PKP1: variants seen among roughly 807,000 people sequenced by gnomAD.
PKP1 encodes the protein plakophilin-1.
PKP1 carries 27 observed loss-of-function variants against 76.4 expected under a neutral mutation model. The ratio of observed to expected loss-of-function variants is 0.35; its 90% CI spans 0.26 to 0.49. PKP1 has a LOEUF of 0.49. Among genes scored for constraint, PKP1 ranks in the 20% least tolerant of loss-of-function variants. PKP1 has a pLI of 0.99. For synonymous variants in PKP1, 404 were observed against 384.2 expected (o/e 1.05, Z -0.60); for missense variants, 964 against 955.2 (o/e 1.01, Z -0.12).
intron 2 of PKP1, among the ~76,000 whole-genome samples, chr1:201,311,521 C>A (rs832152): frequency 0.18 from 26,662 of 152,202 alleles, 2,578 homozygotes; most frequent in East Asian, 0.23. Flanking sequence ...TGGTTTGACA[C>A]CCAGTCTTTC....
chr1:201,303,765 C>T (rs1017234720), intron 2 of PKP1, among the ~76,000 whole-genome samples: 7 of 152,126 alleles, frequency 4.6e-5, no homozygotes, highest in Admixed American at 3.9e-4. Context: ...ATTGCTGTGT[C>T]CTTGATTTCC....
chr1:201,318,064 C>T (rs914069875), intron 5 of PKP1, among the ~76,000 whole-genome samples: 1 of 152,192 alleles, frequency 6.6e-6, no homozygotes, highest in African/African-American at 2.4e-5. Flanking sequence ...CCATATTCCA[C>T]AAGCCCTGGG....
intron 2 of PKP1, among the ~76,000 whole-genome samples, chr1:201,308,511 G>T (rs754330930): frequency 6.6e-6 from 1 of 152,210 alleles, no homozygotes; most frequent in Non-Finnish European, 1.5e-5. Flanking sequence ...TCCAACTCTG[G>T]TCATTATGGA....
intron 2 of PKP1, among the ~76,000 whole-genome samples, chr1:201,298,375 G>T (rs1343454515): frequency 1.3e-5 from 2 of 152,196 alleles, no homozygotes; most frequent in East Asian, 1.9e-4. Flanking sequence ...TCCAGGGAAT[G>T]GTTCTGGATT....
At position 201,324,842 on chromosome 1, in the gene PKP1, C is replaced by T. The variant is rs1620046; in HGVS notation, c.1835-99C>T. ...CCTGAGGGCCACCTGGCTCAGAGCC[C>T]GGCAGAAGGCTATCGAAGAGTGTGG... On this transcript the variant is annotated intron_variant, in intron 10 of 13. Coordinates refer to ENST00000367324, the MANE Select transcript of PKP1 (RefSeq NM_001005337.3). 1,257,452 of 1,273,542 alleles carry T rather than the reference C, an allele frequency of 0.99. 621,877 individuals are homozygous for T. Among genetic ancestry groups the T allele is most frequent in the East Asian group, 1 (43,107 of 43,108 alleles). The allele number at this position is 1,273,542 out of a possible 1,614,324, so 78.9% of individuals were successfully genotyped here.
chr1:201,305,085 G>A (rs1180518122), intron 2 of PKP1, among the ~76,000 whole-genome samples: 2 of 152,204 alleles, frequency 1.3e-5, no homozygotes, highest in Admixed American at 6.5e-5. Flanking sequence ...TGTGTCCCAC[G>A]TGGGCAGGTG....
intron 2 of PKP1, among the ~76,000 whole-genome samples, chr1:201,301,935 G>T (rs1035745646): frequency 1.2e-4 from 18 of 152,192 alleles, no homozygotes; most frequent in African/African-American, 4.3e-4. Context: ...CGTGGGACCA[G>T]ATGACCTCCA....
In PKP1 at chr1:201,293,856, C is replaced by T. The variant is rs922009648; in HGVS notation, c.203-86C>T. The T allele has an allele frequency of 9.2e-6, 8 of 867,714 alleles. No homozygotes were observed. The African/African-American group carries it at 1.0e-4, about 11-fold the overall frequency. The allele number at this position is 867,714 out of a possible 1,614,324, so 53.8% of individuals were successfully genotyped here. A position where few individuals can be genotyped will look rare whatever the true frequency, so the allele number is the denominator to read the frequency against. ...TGGTCTCCTCCATGGGCATAGTGGA[C>T]CTGGATGCAGAAGTGATGCCCTGAG... On this transcript the variant is annotated intron_variant, in intron 1 of 13. Coordinates refer to ENST00000367324, the MANE Select transcript of PKP1 (RefSeq NM_001005337.3).
Position 201,313,219 on chromosome 1 carries a change from C to T in PKP1, c.360C>T (p.Tyr120=). 6.2e-7 allele frequency: 1 copy of T among 1,605,782 alleles called. No homozygotes were observed. The change falls in exon 3 of 14, where the codon TAC becomes TAT. Residue 120 remains tyrosine (Y), a synonymous_variant. Coordinates refer to ENST00000367324, the MANE Select transcript of PKP1 (RefSeq NM_001005337.3). ...REPDNRRFSS[Y]SQMENWSRHY... ...CTGACAACAGGCGCTTCAGCTCCTA[C>T]AGCCAGATGGAGAACTGGAGCCGGC...
Position 201,293,945 on chromosome 1 carries a change from C to A in PKP1, c.206C>A (p.Ser69Tyr). Reference protein sequence around the residue: ...SSTLSHSNRGSMYDGLADNYN... With the variant: ...SSTLSHSNRGYMYDGLADNYN... ...AATCCCCTCCTTTCTCCTCTAGGTT[C>A]CATGTATGATGGCTTGGCTGACAAT... Residue 69 changes from serine to tyrosine, a missense_variant, in exon 2 of 14, where the codon TCC (serine) becomes TAC (tyrosine). By Grantham distance (144) the Ser-to-Tyr change is moderately radical (BLOSUM62 -2). Transcript: ENST00000367324. The A allele has an allele frequency of 6.2e-7, 1 of 1,608,692 alleles. No individual in the cohort carries two copies. The highest frequency in any genetic ancestry group is 8.5e-7 in the Non-Finnish European group (1 of 1,175,664).
In PKP1 at chr1:201,332,635, C is replaced by T. The variant is rs138426889; in HGVS notation, c.*2594C>T. On this transcript the variant is annotated 3_prime_UTR_variant, in exon 14 of 14. Coordinates refer to ENST00000367324, the MANE Select transcript of PKP1 (RefSeq NM_001005337.3). Reference sequence around the variant, plus strand: ...CCCTGGGATCTCCTGTGCTAGCGGCCAATGACAAATCCAGTCATTGGCCAC... The same window carrying T: ...CCCTGGGATCTCCTGTGCTAGCGGCTAATGACAAATCCAGTCATTGGCCAC... 1.1e-4 allele frequency: 17 copies of T among 149,378 alleles called. No individual in the cohort carries two copies. The highest frequency in any genetic ancestry group is 4.0e-4 in the African/African-American group (16 of 39,596). The allele number at this position is 149,378 out of a possible 1,614,324, so 9.3% of individuals were successfully genotyped here. A position where few individuals can be genotyped will look rare whatever the true frequency, so the allele number is the denominator to read the frequency against.
chr1:201,284,046 T>G, intron 1 of PKP1, 142 bp downstream of exon 1: 1 of 800,002 alleles, frequency 1.3e-6, no homozygotes, highest in Admixed American at 2.0e-5. Flanking sequence ...ACGCACCTAG[T>G]GCGAGCAGCC....
intron 2 of PKP1, among the ~76,000 whole-genome samples, chr1:201,294,842 C>A (rs1656026639): frequency 6.6e-6 from 1 of 152,186 alleles, no homozygotes; most frequent in Non-Finnish European, 1.5e-5. Context: ...AATTCTGTGA[C>A]AAGCACTGCA....
chr1:201,298,203 T>C (rs1656127368), intron 2 of PKP1, among the ~76,000 whole-genome samples: 1 of 152,206 alleles, frequency 6.6e-6, no homozygotes, highest in African/African-American at 2.4e-5. Context: ...CCTTGTAATA[T>C]GTCCCTTGAA....
chr1:201,288,966 C>T (rs1250712126), intron 1 of PKP1, among the ~76,000 whole-genome samples: 5 of 152,176 alleles, frequency 3.3e-5, no homozygotes, highest in African/African-American at 9.6e-5. Flanking sequence ...CTGTTCAGTA[C>T]GTACACCCAG....
chr1:201,287,058 C>G (rs1208295759), intron 1 of PKP1, among the ~76,000 whole-genome samples: 1 of 152,220 alleles, frequency 6.6e-6, no homozygotes, highest in Non-Finnish European at 1.5e-5. Context: ...GTCCTAACAA[C>G]ACCAGCACCA....
rs375542525 is a variant in PKP1 at position 201,320,375 on chromosome 1, C to G, written c.1341C>G (p.Asp447Glu). Residue 447 changes from aspartate (D) to glutamate (E), a missense_variant, in exon 7 of 14, where the codon GAC becomes GAG. Asp to Glu is a conservative substitution (Grantham distance 45, BLOSUM62 2). Coordinates refer to ENST00000367324, the MANE Select transcript of PKP1 (RefSeq NM_001005337.3). ...ACTGTGTAGCGGCCAGCCGCTGTGA[C>G]GACAAGGTGAGTGCATCCCCTGGTG... ...VQNCVAASRC[D>E]DKSVENCMCV... The G allele has an allele frequency of 1.2e-6, 2 of 1,607,778 alleles. No individual in the cohort carries two copies. The highest frequency in any genetic ancestry group is 1.3e-5 in the African/African-American group (1 of 74,942).
At chr1:201,327,585 C>T (rs1657185237) in intron 12 of PKP1, among the ~76,000 whole-genome samples, 1 of 151,888 alleles carries the variant, frequency 6.6e-6, no homozygotes, top group Admixed American at 6.6e-5. Flanking sequence ...TGGTCCAAAG[C>T]ATTCAGCTTA....
At position 201,325,132 on chromosome 1, in the gene PKP1, G is replaced by A. The variant is rs1657076273; in HGVS notation, c.2021+5G>A. ...CATCAACCTGTGCCGAAGCAGGTGG[G>A]CGGGGGGTTGCTCCCACGGGCTGCA... On this transcript the variant is annotated splice_donor_5th_base_variant and intron_variant, in intron 11 of 13. Coordinates refer to ENST00000367324, the MANE Select transcript of PKP1 (RefSeq NM_001005337.3). 1 of 1,613,224 alleles carries A rather than the reference G, an allele frequency of 6.2e-7. No homozygotes were observed. Among genetic ancestry groups the A allele is most frequent in the Non-Finnish European group, 8.5e-7 (1 of 1,179,944 alleles).
Sources: allele counts gnomAD v4.1 joint callset (sites outside exome capture counted in the v4.1 genomes callset), GRCh38; gene constraint gnomAD v4.1.1; transcripts MANE v1.5; gene names NCBI Gene and HGNC (gene_info 2026-07-23, HGNC 2026-07-21).